KCNN2: variants seen among roughly 807,000 people sequenced by gnomAD.
The protein encoded by KCNN2 is small conductance calcium-activated potassium channel protein 2.
KCNN2 carries 24 observed loss-of-function variants against 55.5 expected under a neutral mutation model. The ratio of observed to expected loss-of-function variants is 0.43; its 90% CI spans 0.31 to 0.61. The LOEUF (loss-of-function observed/expected upper bound fraction) is 0.61. KCNN2 is among the 20% of genes least tolerant of loss of function. The probability of loss-of-function intolerance (pLI) is 0.08; values close to 1 mark genes in which losing one functional copy is unlikely to be tolerated. For synonymous variants in KCNN2, 431 were observed against 336.1 expected, an observed-to-expected ratio of 1.28 and a Z score of -3.09; for missense variants, 754 against 853.6, an observed-to-expected ratio of 0.88 and a Z score of 1.45.
chr5:114,362,471 CCTGCTG>C lies in KCNN2; in HGVS notation c.347_352del (p.Cys116_Cys117del), dbSNP rs567706065. On this transcript the variant is annotated inframe_deletion, in exon 1 of 8. Coordinates refer to ENST00000673685, the MANE Select transcript of KCNN2 (RefSeq NM_021614.4). ...ACCTCCTCGCCGCTGTCGGGCTCGT[CCTGCTG>C]CTGCTGCTGCTGCTCGTCGCGCCGG... 13 of 444,140 alleles carry C rather than the reference CCTGCTG, an allele frequency of 2.9e-5. No homozygotes were observed. Among genetic ancestry groups the C allele is most frequent in the Non-Finnish European group, 4.3e-5 (11 of 253,072 alleles). The allele number at this position is 444,140 out of a possible 1,614,324, so 27.5% of individuals were successfully genotyped here.
At chr5:114,145,719 A>G (rs1458395870) in intron 1 of KCNN2, among the ~76,000 whole-genome samples, 1 of 152,162 alleles carries the variant, frequency 6.6e-6, no homozygotes, top group Non-Finnish European at 1.5e-5. Context: ...CATCCATATC[A>G]TGGCTCAAAT....
At chr5:114,270,248 G>A (rs1322794602) in intron 2 of KCNN2, among the ~76,000 whole-genome samples, 2 of 152,214 alleles carry the variant, frequency 1.3e-5, no homozygotes, top group Non-Finnish European at 2.9e-5. Context: ...AAATTAGCCA[G>A]TAAAGAACAG....
intron 1 of KCNN2, among the ~76,000 whole-genome samples, chr5:114,120,822 C>A (rs1190535572): frequency 6.6e-6 from 1 of 152,212 alleles, no homozygotes; most frequent in Non-Finnish European, 1.5e-5. Context: ...TCAAGAAATA[C>A]TGACACTTAG....
At chr5:114,187,757 C>T (rs1343746498) in intron 1 of KCNN2, among the ~76,000 whole-genome samples, 2 of 151,694 alleles carry the variant, frequency 1.3e-5, no homozygotes, top group Admixed American at 6.6e-5. Flanking sequence ...CCACCCGCCT[C>T]GGCCTCCCAA....
intron 5 of KCNN2, among the ~76,000 whole-genome samples, chr5:114,480,511 G>A (rs1037666442): frequency 1.3e-5 from 2 of 152,062 alleles, no homozygotes; most frequent in African/African-American, 4.8e-5. Flanking sequence ...CATTCTATGA[G>A]GCAAGCATCA....
chr5:114,081,207 C>G (rs1561467204), intron 1 of KCNN2, among the ~76,000 whole-genome samples: 1 of 152,050 alleles, frequency 6.6e-6, no homozygotes, highest in Non-Finnish European at 1.5e-5. Flanking sequence ...ATTAAGATGT[C>G]AGGTCTACCC....
In KCNN2 at chr5:114,068,311, G is replaced by T. The variant is rs80345044; in HGVS notation, c.-271+11811G>T. 1.4e-4 allele frequency among the ~76,000 whole-genome samples: 22 copies of T among 152,246 alleles called. No homozygotes were observed. The East Asian group carries it at 4.2e-3, about 29-fold the overall frequency. On this transcript the variant is annotated intron_variant, in intron 1 of 10. Transcript: ENST00000512097. ...TGCCCTGTTTAGAAAACAGACTTGG[G>T]CAGAAATTCAACTTTGAGCTTCTAA...
intron 3 of KCNN2, among the ~76,000 whole-genome samples, chr5:114,430,911 T>C (rs1310914351): frequency 1.3e-5 from 2 of 152,164 alleles, no homozygotes; most frequent in East Asian, 3.8e-4. Flanking sequence ...GATTTTCAAA[T>C]GTTGAACTAG....
chr5:114,371,069 G>C (rs979921250), intron 2 of KCNN2, among the ~76,000 whole-genome samples: 2 of 152,184 alleles, frequency 1.3e-5, no homozygotes, highest in African/African-American at 4.8e-5. Flanking sequence ...CTTACCAGTG[G>C]ATAGAATGTG....
intron 2 of KCNN2, among the ~76,000 whole-genome samples, chr5:114,231,345 A>G (rs1359314376): frequency 8.1e-6 from 1 of 123,740 alleles, no homozygotes; most frequent in African/African-American, 3.4e-5. Flanking sequence ...TGTTTTGGAC[A>G]TGAAGTCCTT....
At chr5:114,303,685 TA>T (rs1393088686) in intron 2 of KCNN2, among the ~76,000 whole-genome samples, 2 of 152,238 alleles carry the variant, frequency 1.3e-5, no homozygotes, top group African/African-American at 4.8e-5. Context: ...GCAATAAAAA[TA>T]TACTTAATAA....
chr5:114,094,857 G>A (rs1751224281), intron 1 of KCNN2, among the ~76,000 whole-genome samples: 1 of 151,950 alleles, frequency 6.6e-6, no homozygotes, highest in African/African-American at 2.4e-5. Context: ...ATTTTTTGAT[G>A]ACCATACAAT....
At position 114,332,573 on chromosome 5, in the gene KCNN2, A is replaced by C. The variant is rs555463419; in HGVS notation, c.-184-28372A>C. 3.9e-5 allele frequency among the ~76,000 whole-genome samples: 6 copies of C among 152,270 alleles called. No homozygotes were observed. In the South Asian group the frequency reaches 1.2e-3, roughly 32 times the overall value. On this transcript the variant is annotated intron_variant, in intron 2 of 10. Coordinates refer to the KCNN2 transcript ENST00000512097. ...TGGGGTTGATATTTAACCAAATCTG[A>C]AAAAATTAAGATCTTGATGTGGTCC...
Position 114,473,038 on chromosome 5 carries a change from C to G in KCNN2, c.1780-16C>G. Reference sequence around the variant, plus strand: ...GTTAGTAATGCTTTGGGTTTCTCTTCTCTCCTTGTTTTCAGGGTGCTGGTT... The same window carrying G: ...GTTAGTAATGCTTTGGGTTTCTCTTGTCTCCTTGTTTTCAGGGTGCTGGTT... On this transcript the variant is annotated splice_polypyrimidine_tract_variant and intron_variant, in intron 4 of 7. Transcript: ENST00000673685. 6.5e-7 allele frequency: 1 copy of G among 1,541,238 alleles called. No homozygotes were observed. The highest frequency in any genetic ancestry group is 1.4e-5 in the African/African-American group (1 of 73,346).
intron 1 of KCNN2, among the ~76,000 whole-genome samples, chr5:114,143,930 A>T (rs1333062397): frequency 6.6e-6 from 1 of 152,226 alleles, no homozygotes; most frequent in African/African-American, 2.4e-5. Context: ...CACATGAATA[A>T]TAAAGCAATA....
chr5:114,077,236 T>C (rs187006909), intron 1 of KCNN2, among the ~76,000 whole-genome samples: 1 of 152,330 alleles, frequency 6.6e-6, no homozygotes, highest in African/African-American at 2.4e-5. Context: ...GCAGTTGGAA[T>C]GGGACTTTCA....
At chr5:114,235,546 A>G (rs1754472294) in intron 2 of KCNN2, among the ~76,000 whole-genome samples, 1 of 152,244 alleles carries the variant, frequency 6.6e-6, no homozygotes, top group South Asian at 2.1e-4. Context: ...TGTATAGTTT[A>G]GAACTATACA....
chr5:114,226,857 C>T (rs1371859123), intron 2 of KCNN2, among the ~76,000 whole-genome samples: 10 of 141,878 alleles, frequency 7.0e-5, no homozygotes, highest in South Asian at 2.2e-4. Flanking sequence ...GCTGAGATTG[C>T]GCCACTGCAC....
chr5:114,427,132 T>C (rs1274334056), intron 3 of KCNN2, among the ~76,000 whole-genome samples: 1 of 152,186 alleles, frequency 6.6e-6, no homozygotes, highest in Non-Finnish European at 1.5e-5. Context: ...TTACTTGTTC[T>C]CTTCTCCCCC....
Sources: gnomAD v4.1 joint callset for allele counts (sites outside exome capture counted in the v4.1 genomes callset) on GRCh38, gnomAD v4.1.1 for gene constraint, MANE v1.5 for transcripts, NCBI Gene and HGNC (gene_info 2026-07-23, HGNC 2026-07-21) for gene names.